Variants in PDE4D observed in about 807,000 individuals in gnomAD.
PDE4D encodes the protein phosphodiesterase 4D, also known as 3',5'-cyclic-AMP phosphodiesterase 4D.
A neutral mutation model predicts 87.4 loss-of-function variants in PDE4D; 24 were observed. The ratio of observed to expected loss-of-function variants is 0.27; its 90% CI spans 0.20 to 0.39. PDE4D has a LOEUF of 0.39. PDE4D is among the 10% of genes least tolerant of loss of function. The pLI, the probability that PDE4D is intolerant of heterozygous loss-of-function variation, is 1.00. For missense variants in PDE4D, 714 were observed against 1,041.0 expected, an observed-to-expected ratio of 0.69 and a Z score of 4.32; for synonymous variants, 384 against 383.2, an observed-to-expected ratio of 1.00 and a Z score of -0.02.
intron 1 of PDE4D, among the ~76,000 whole-genome samples, chr5:60,354,172 G>T (rs1388392060): frequency 1.3e-5 from 2 of 152,100 alleles, no homozygotes; most frequent in African/African-American, 4.8e-5. Flanking sequence ...GAAAGAAAAT[G>T]GGGGAAAGGA....
intron 6 of PDE4D, among the ~76,000 whole-genome samples, chr5:59,028,685 T>C (rs1352563779): frequency 6.6e-6 from 1 of 151,994 alleles, no homozygotes; most frequent in Non-Finnish European, 1.5e-5. Flanking sequence ...GAATGAATAT[T>C]TTATGAATTG....
intron 1 of PDE4D, among the ~76,000 whole-genome samples, chr5:60,519,913 G>T (rs1467166710): frequency 1.3e-5 from 2 of 152,182 alleles, no homozygotes; most frequent in Admixed American, 1.3e-4. Context: ...CACTGCCAGT[G>T]AAAGAGTGAA....
rs530880831 is a variant in PDE4D at position 59,985,778 on chromosome 5, A to G, written c.272+2710T>C. 5.9e-5 allele frequency among the ~76,000 whole-genome samples: 9 copies of G among 152,328 alleles called. No individual in the cohort carries two copies. In the East Asian group the frequency reaches 1.7e-3, roughly 29 times the overall value. ...GGGTCTACCACATGTACCAAAATTC[A>G]TGCATACTCAATTCTTGCAATTGGC... On this transcript the variant is annotated intron_variant, in intron 3 of 16. Transcript: ENST00000502484.
At chr5:59,518,436 T>C (rs1811569700) in intron 1 of PDE4D, among the ~76,000 whole-genome samples, 1 of 152,136 alleles carries the variant, frequency 6.6e-6, no homozygotes, top group African/African-American at 2.4e-5. Flanking sequence ...GTTTTGTCAG[T>C]GCTGGGCTGT....
intron 1 of PDE4D, among the ~76,000 whole-genome samples, chr5:60,203,441 A>T (rs1742155226): frequency 6.6e-6 from 1 of 152,202 alleles, no homozygotes; most frequent in African/African-American, 2.4e-5. Flanking sequence ...GTAGAGTGTG[A>T]TCCCATTTCT....
intron 5 of PDE4D, among the ~76,000 whole-genome samples, chr5:59,044,297 T>G (rs1175637434): frequency 6.6e-6 from 1 of 152,250 alleles, no homozygotes; most frequent in East Asian, 1.9e-4. Flanking sequence ...TGCATTTCTC[T>G]GATGGCCAGT....
At chr5:59,296,118 C>T (rs547161031) in intron 1 of PDE4D, among the ~76,000 whole-genome samples, 3 of 151,778 alleles carry the variant, frequency 2.0e-5, no homozygotes, top group Non-Finnish European at 4.4e-5. Flanking sequence ...AGTTTGGGGT[C>T]GGGGTGGTTA....
At chr5:59,985,126 T>TTTTG (rs1762296909) in intron 3 of PDE4D, among the ~76,000 whole-genome samples, 1 of 106,228 alleles carries the variant, frequency 9.4e-6, no homozygotes, top group South Asian at 4.1e-4. Flanking sequence ...CACCTTTCGT[T>TTTTG]TTTTGTTTTT....
At chr5:59,604,536 T>C (rs930046635) in intron 1 of PDE4D, among the ~76,000 whole-genome samples, 3 of 152,012 alleles carry the variant, frequency 2.0e-5, no homozygotes, top group African/African-American at 7.2e-5. Flanking sequence ...ATGGTATGGT[T>C]TTGGTATCAT....
chr5:59,592,854 G>C (rs1411883633), intron 1 of PDE4D, among the ~76,000 whole-genome samples: 1 of 152,108 alleles, frequency 6.6e-6, no homozygotes, highest in East Asian at 1.9e-4. Context: ...CTTATTTTCA[G>C]GTTCTGCCTT....
chr5:59,452,120 A>G (rs1217971577), intron 1 of PDE4D, among the ~76,000 whole-genome samples: 1 of 152,034 alleles, frequency 6.6e-6, no homozygotes, highest in Non-Finnish European at 1.5e-5. Context: ...GTGTAGCCCA[A>G]GACAATTCTT....
chr5:60,474,456 C>G (rs1352757598), intron 1 of PDE4D, among the ~76,000 whole-genome samples: 1 of 151,898 alleles, frequency 6.6e-6, no homozygotes, highest in Non-Finnish European at 1.5e-5. Flanking sequence ...GAGAGGGATA[C>G]AAAAATTCAG....
At chr5:60,151,828 A>AG (rs1383858035) in intron 2 of PDE4D, among the ~76,000 whole-genome samples, 2 of 152,246 alleles carry the variant, frequency 1.3e-5, no homozygotes, top group African/African-American at 4.8e-5. Context: ...AAGACCTTAT[A>AG]GAAAAAGCTT....
At chr5:59,424,119 T>C (rs1794873948) in intron 1 of PDE4D, among the ~76,000 whole-genome samples, 3 of 151,974 alleles carry the variant, frequency 2.0e-5, no homozygotes, top group Non-Finnish European at 4.4e-5. Context: ...GTCTGGGCCA[T>C]AAGAAAAAAG....
At chr5:59,444,049 C>G (rs1798008498) in intron 1 of PDE4D, among the ~76,000 whole-genome samples, 1 of 152,166 alleles carries the variant, frequency 6.6e-6, no homozygotes, top group African/African-American at 2.4e-5. Flanking sequence ...TAAGCCCACT[C>G]TCCAGTGCTT....
chr5:59,556,483 G>C (rs1267546142), intron 1 of PDE4D, among the ~76,000 whole-genome samples: 1 of 152,156 alleles, frequency 6.6e-6, no homozygotes, highest in Non-Finnish European at 1.5e-5. Flanking sequence ...ATTCTGCTTT[G>C]CTGTGAAGCA....
intron 1 of PDE4D, among the ~76,000 whole-genome samples, chr5:59,510,425 A>T (rs17740767): frequency 0.19 from 29,027 of 151,596 alleles, 3,431 homozygotes; most frequent in Non-Finnish European, 0.27. Flanking sequence ...CTAATTAAGT[A>T]GTCTGGCAAT....
chr5:59,767,918 T>A (rs1478547754), intron 1 of PDE4D, among the ~76,000 whole-genome samples: 1 of 152,142 alleles, frequency 6.6e-6, no homozygotes, highest in Non-Finnish European at 1.5e-5. Flanking sequence ...GAAATTGGTT[T>A]AAGGAATCAA....
intron 1 of PDE4D, among the ~76,000 whole-genome samples, chr5:60,210,288 T>C (rs1467399176): frequency 1.3e-5 from 2 of 152,084 alleles, no homozygotes; most frequent in East Asian, 3.8e-4. Flanking sequence ...GAAAAAATTA[T>C]ATATAAATCC....
Sources: gnomAD v4.1 joint callset for allele counts (sites outside exome capture counted in the v4.1 genomes callset) on GRCh38, gnomAD v4.1.1 for gene constraint, MANE v1.5 for transcripts, NCBI Gene and HGNC (gene_info 2026-07-23, HGNC 2026-07-21) for gene names.